CTNNA2: variants seen among roughly 807,000 people sequenced by gnomAD.
CTNNA2 encodes the protein catenin alpha-2.
A neutral mutation model predicts 101.0 loss-of-function variants in CTNNA2; 42 were observed. The observed-to-expected ratio is 0.42, with a 90% CI of 0.32 to 0.54. The LOEUF is 0.54. Ranked by LOEUF, CTNNA2 falls within the 20% of genes least tolerant of loss-of-function variation. The pLI is 0.14. For synonymous variants in CTNNA2, 450 were observed against 456.4 expected (o/e 0.99, Z 0.18); for missense variants, 871 against 1,223.1 (o/e 0.71, Z 4.29).
At chr2:79,477,755 C>T (rs145482632) in intron 4 of CTNNA2, among the ~76,000 whole-genome samples, 58 of 152,214 alleles carry the variant, frequency 3.8e-4, no homozygotes, top group East Asian at 3.7e-3. Flanking sequence ...GGTAATCACA[C>T]GGAAAAGGAA....
chr2:80,278,673 A>G (rs1023942561), intron 7 of CTNNA2, among the ~76,000 whole-genome samples: 3 of 152,096 alleles, frequency 2.0e-5, no homozygotes, highest in African/African-American at 7.2e-5. Context: ...TCATGGATTA[A>G]AGGAGAGAGA....
chr2:79,257,853 A>G (rs537255547), intron 2 of CTNNA2, among the ~76,000 whole-genome samples: 30 of 151,908 alleles, frequency 2.0e-4, no homozygotes, highest in African/African-American at 7.2e-4. Context: ...GTGGAAAGCT[A>G]GAAATCCAAA....
At chr2:79,550,432 T>A (rs1040357935) in intron 1 of CTNNA2, among the ~76,000 whole-genome samples, 1 of 152,122 alleles carries the variant, frequency 6.6e-6, no homozygotes, top group Non-Finnish European at 1.5e-5. Context: ...ACTCTTAGCA[T>A]GTGAGGGAAT....
chr2:80,251,038 G>A (rs1171198758), intron 7 of CTNNA2, among the ~76,000 whole-genome samples: 1 of 152,110 alleles, frequency 6.6e-6, no homozygotes, highest in African/African-American at 2.4e-5. Context: ...GAATATTGCT[G>A]TTGTTATCTG....
At chr2:79,326,100 G>A (rs1483015627) in intron 3 of CTNNA2, among the ~76,000 whole-genome samples, 2 of 152,110 alleles carry the variant, frequency 1.3e-5, no homozygotes, top group African/African-American at 4.8e-5. Flanking sequence ...TCTTTCATTA[G>A]TTCATCACCC....
chr2:80,556,634 T>C (rs1315122229), intron 12 of CTNNA2, among the ~76,000 whole-genome samples: 1 of 152,134 alleles, frequency 6.6e-6, no homozygotes, highest in East Asian at 1.9e-4. Flanking sequence ...CTCTGGAGAA[T>C]ATATAAGACT....
chr2:80,421,926 G>C (rs183611710), intron 9 of CTNNA2, among the ~76,000 whole-genome samples: 1 of 151,794 alleles, frequency 6.6e-6, no homozygotes, highest in Non-Finnish European at 1.5e-5. Flanking sequence ...TGAAAAAGTC[G>C]GTTTGTATAT....
In CTNNA2 at chr2:79,833,400, A is replaced by T. The variant is rs1326920705; in HGVS notation, c.299-24613A>T. On this transcript the variant is annotated intron_variant, in intron 3 of 18. Coordinates refer to ENST00000402739, the MANE Select transcript of CTNNA2 (RefSeq NM_001282597.3). ...ACACAGGAATTCCTGCCTTTGTCAG[A>T]CTTCTTGCCTAGTCAAAAGTAATGC... 2.0e-5 allele frequency among the ~76,000 whole-genome samples: 3 copies of T among 152,210 alleles called. No individual in the cohort carries two copies. The East Asian group carries it at 5.8e-4, about 29-fold the overall frequency.
Position 80,231,217 on chromosome 2 carries a change from C to G in CTNNA2, c.1057-161994C>G, listed in dbSNP as rs139109367. On this transcript the variant is annotated intron_variant, in intron 7 of 18. Transcript: ENST00000402739. Reference sequence around the variant, plus strand: ...TCTTGATCTCAGTCTGAAGTCCTGACCTCAGGTGATCCACCCTCCTCAGTC... The same window carrying G: ...TCTTGATCTCAGTCTGAAGTCCTGAGCTCAGGTGATCCACCCTCCTCAGTC... Among the ~76,000 whole-genome samples the G allele has an allele frequency of 5.9e-5, 9 of 152,130 alleles. No individual in the cohort carries two copies. In the East Asian group the frequency reaches 1.7e-3, roughly 30 times the overall value.
intron 1 of CTNNA2, among the ~76,000 whole-genome samples, chr2:79,590,459 T>A (rs1025718201): frequency 3.9e-5 from 6 of 152,304 alleles, no homozygotes; most frequent in African/African-American, 1.4e-4. Flanking sequence ...AATGGGGAGA[T>A]GATTATGATA....
At chr2:79,869,133 A>C (rs1682382140) in intron 4 of CTNNA2, among the ~76,000 whole-genome samples, 1 of 152,324 alleles carries the variant, frequency 6.6e-6, no homozygotes, top group South Asian at 2.1e-4. Context: ...ACTATGGAAA[A>C]GTTCACTGAG....
chr2:80,048,177 T>A lies in CTNNA2; in HGVS notation c.1056+138380T>A, dbSNP rs1048129307. 6.6e-5 allele frequency among the ~76,000 whole-genome samples: 10 copies of A among 152,228 alleles called. No individual in the cohort carries two copies. The South Asian group carries it at 1.2e-3, about 19-fold the overall frequency. ...ATCCAGTTAAATTTTGAATGTCATA[T>A]AAACAACAAATGATTTTTAGTATAA... On this transcript the variant is annotated intron_variant, in intron 7 of 18. Coordinates refer to ENST00000402739, the MANE Select transcript of CTNNA2 (RefSeq NM_001282597.3).
intron 9 of CTNNA2, among the ~76,000 whole-genome samples, chr2:80,466,957 T>C (rs1684908824): frequency 6.6e-6 from 1 of 152,222 alleles, no homozygotes; most frequent in South Asian, 2.1e-4. Context: ...GTAAGCTACA[T>C]GTCATTGTAT....
intron 2 of CTNNA2, among the ~76,000 whole-genome samples, chr2:79,258,052 G>T (rs1215748664): frequency 6.6e-6 from 1 of 152,084 alleles, no homozygotes; most frequent in South Asian, 2.1e-4. Flanking sequence ...TGGATGAGGT[G>T]CCCACACTAC....
intron 2 of CTNNA2, among the ~76,000 whole-genome samples, chr2:79,249,857 G>A (rs1268322325): frequency 6.6e-6 from 1 of 152,114 alleles, no homozygotes; most frequent in Non-Finnish European, 1.5e-5. Flanking sequence ...ATGGGTCCCT[G>A]CTACCCCACT....
chr2:79,423,989 C>A (rs531710615), intron 4 of CTNNA2, among the ~76,000 whole-genome samples: 22 of 152,012 alleles, frequency 1.4e-4, no homozygotes, highest in Admixed American at 5.9e-4. Flanking sequence ...AAAAACCTAT[C>A]TTTTAATGCT....
intron 7 of CTNNA2, among the ~76,000 whole-genome samples, chr2:79,955,117 A>C (rs1481654094): frequency 6.6e-6 from 1 of 152,196 alleles, no homozygotes; most frequent in East Asian, 1.9e-4. Context: ...CATATTTGAC[A>C]TGTTTTATTA....
At chr2:79,781,077 A>G (rs566333215) in intron 3 of CTNNA2, among the ~76,000 whole-genome samples, 3 of 152,284 alleles carry the variant, frequency 2.0e-5, no homozygotes, top group Admixed American at 6.5e-5. Context: ...GAATAAAAGA[A>G]CAGCTACTCC....
At chr2:80,595,381 A>T (rs1696867390) in intron 15 of CTNNA2, among the ~76,000 whole-genome samples, 1 of 152,122 alleles carries the variant, frequency 6.6e-6, no homozygotes, top group Non-Finnish European at 1.5e-5. Flanking sequence ...AAGAATCTTA[A>T]GCATTTTCTA....
Sources: gnomAD v4.1 joint callset for allele counts (sites outside exome capture counted in the v4.1 genomes callset) on GRCh38, gnomAD v4.1.1 for gene constraint, MANE v1.5 for transcripts, NCBI Gene and HGNC (gene_info 2026-07-23, HGNC 2026-07-21) for gene names.